Variants in MMP26 observed in about 807,000 individuals in gnomAD.
The protein encoded by MMP26 is matrix metallopeptidase 26.
In MMP26, 33 loss-of-function variants were observed where a neutral mutation model predicts 31.0. The observed-to-expected ratio is 1.06, with a 90% CI of 0.81 to 1.42. The LOEUF (loss-of-function observed/expected upper bound fraction) is 1.42. Among genes scored for constraint, MMP26 ranks in the 40% most tolerant of loss-of-function variants. MMP26 has a pLI of 0.00. For synonymous variants in MMP26, 122 were observed against 114.9 expected, an observed-to-expected ratio of 1.06 and a Z score of -0.40; for missense variants, 347 against 316.1, an observed-to-expected ratio of 1.10 and a Z score of -0.74.
At chr11:4,838,683 A>G (rs1158043659) in intron 2 of MMP26, among the ~76,000 whole-genome samples, 1 of 151,892 alleles carries the variant, frequency 6.6e-6, no homozygotes, top group Non-Finnish European at 1.5e-5. Context: ...AGGAATTTCT[A>G]TTATAAGAAA....
chr11:4,877,299 T>G (rs1277158966), intron 2 of MMP26: 2 of 152,262 alleles, frequency 1.3e-5, no homozygotes, highest in Admixed American at 1.3e-4. Flanking sequence ...CTCTCATATC[T>G]GCAGTGCTGC....
At chr11:4,759,111 CAAAAAAAAAAAAAAA>C (rs989730402) in intron 1 of MMP26, among the ~76,000 whole-genome samples, 1 of 43,206 alleles carries the variant, frequency 2.3e-5, no homozygotes. Context: ...CATTCCATCT[CAAAAAAAAAAAAAAA>C]AAAAAAAAAG....
intron 1 of MMP26, chr11:4,723,903 C>G: frequency 9.5e-7 from 1 of 1,054,998 alleles, no homozygotes; most frequent in Non-Finnish European, 1.5e-6. Flanking sequence ...GCTCCTTCTC[C>G]TGGGTGCGCA....
At chr11:4,961,233 G>A (rs901639873) in intron 2 of MMP26, among the ~76,000 whole-genome samples, 2 of 152,188 alleles carry the variant, frequency 1.3e-5, no homozygotes, top group Middle Eastern at 3.2e-3. Context: ...TCAATTTTGT[G>A]ATAATGCATT....
chr11:4,790,271 G>GTGGAGGC (rs57794049), intron 2 of MMP26, among the ~76,000 whole-genome samples: 14,350 of 152,184 alleles, frequency 0.094, 839 homozygotes, highest in Middle Eastern at 0.15. Flanking sequence ...AACCTGGGAG[G>GTGGAGGC]TGCGGAGGCT....
intron 2 of MMP26, among the ~76,000 whole-genome samples, chr11:4,983,904 A>C (rs1333820969): frequency 2.0e-5 from 3 of 152,342 alleles, no homozygotes; most frequent in South Asian, 2.1e-4. Context: ...TAATATCCAC[A>C]GGCGATTCTA....
intron 2 of MMP26, among the ~76,000 whole-genome samples, chr11:4,812,769 A>G (rs778647475): frequency 6.6e-6 from 1 of 152,136 alleles, no homozygotes; most frequent in Non-Finnish European, 1.5e-5. Flanking sequence ...ACCTGTGAAG[A>G]CAGGCTGTTA....
At chr11:4,898,397 T>C (rs1377345837) in intron 2 of MMP26, among the ~76,000 whole-genome samples, 1 of 152,082 alleles carries the variant, frequency 6.6e-6, no homozygotes, top group Non-Finnish European at 1.5e-5. Flanking sequence ...TGTTAATTTC[T>C]TTGTGTTTAT....
intron 2 of MMP26, among the ~76,000 whole-genome samples, chr11:4,795,830 A>AAGAGAGAGAGAGGGAGAGAGAGAG (rs1210485972): frequency 1.4e-5 from 2 of 143,566 alleles, no homozygotes; most frequent in African/African-American, 5.2e-5. Context: ...GGGAGAGAGA[A>AAGAGAGAGAGAGGGAGAGAGAGAG]AGAGAGAGAG....
intron 1 of MMP26, among the ~76,000 whole-genome samples, chr11:4,724,517 C>A (rs1848069656): frequency 6.6e-6 from 1 of 152,146 alleles, no homozygotes; most frequent in African/African-American, 2.4e-5. Flanking sequence ...ATAAAAGAAT[C>A]AATTTACTAT....
intron 2 of MMP26, among the ~76,000 whole-genome samples, chr11:4,934,589 A>T (rs2133594095): frequency 6.9e-6 from 1 of 145,644 alleles, no homozygotes; most frequent in East Asian, 2.0e-4. Context: ...ATTAGATCCC[A>T]TTTGTCAATT....
intron 2 of MMP26, among the ~76,000 whole-genome samples, chr11:4,800,091 C>A (rs1043387555): frequency 6.6e-6 from 1 of 152,170 alleles, no homozygotes; most frequent in Non-Finnish European, 1.5e-5. Flanking sequence ...GCAGTGGCCC[C>A]CCTTCCACAG....
intron 2 of MMP26, among the ~76,000 whole-genome samples, chr11:4,776,373 C>T (rs60113282): frequency 0.095 from 14,414 of 151,876 alleles, 847 homozygotes; most frequent in Middle Eastern, 0.15. Context: ...ACCTTCATAC[C>T]GTTTTCCATA....
At chr11:4,778,370 C>T (rs1490141607) in intron 2 of MMP26, among the ~76,000 whole-genome samples, 1 of 151,934 alleles carries the variant, frequency 6.6e-6, no homozygotes, top group African/African-American at 2.4e-5. Context: ...TCCAATAGAT[C>T]TGGTATTCGT....
chr11:4,734,205 A>G (rs1362979729), intron 1 of MMP26, among the ~76,000 whole-genome samples: 2 of 152,148 alleles, frequency 1.3e-5, no homozygotes, highest in African/African-American at 2.4e-5. Context: ...TTACTCTTCT[A>G]TTTTTGAAAG....
intron 2 of MMP26, among the ~76,000 whole-genome samples, chr11:4,930,999 A>G (rs757976314): frequency 1.3e-5 from 2 of 152,104 alleles, no homozygotes; most frequent in African/African-American, 2.4e-5. Context: ...GATAATTTAT[A>G]AAGCTAAAGC....
In MMP26 at chr11:4,772,437, A is replaced by G. The variant is rs548102567; in HGVS notation, c.-145+5096A>G. 8.6e-5 allele frequency among the ~76,000 whole-genome samples: 13 copies of G among 150,914 alleles called. No homozygotes were observed. The East Asian group carries it at 2.1e-3, about 25-fold the overall frequency. On this transcript the variant is annotated intron_variant, in intron 2 of 7. Coordinates refer to ENST00000380390, the MANE Select transcript of MMP26 (RefSeq NM_021801.5). ...ACCCAGTCTCTAGGCTCCTATGCCT[A>G]CATTTCCACATTGAACCATAGGGAG... is the stretch of plus-strand genomic sequence containing the variant.
intron 2 of MMP26, among the ~76,000 whole-genome samples, chr11:4,980,809 T>C (rs1364767921): frequency 2.6e-5 from 4 of 152,110 alleles, no homozygotes; most frequent in Admixed American, 1.3e-4. Context: ...TATCCTCATT[T>C]TCCTAAGTGA....
chr11:4,921,190 G>A (rs7108641), intron 2 of MMP26, among the ~76,000 whole-genome samples: 15,431 of 152,164 alleles, frequency 0.1, 878 homozygotes, highest in Non-Finnish European at 0.12. Flanking sequence ...TATCTTATTT[G>A]AACTCTGTAA....
Sources: gnomAD v4.1 joint callset for allele counts (sites outside exome capture counted in the v4.1 genomes callset) on GRCh38, gnomAD v4.1.1 for gene constraint, MANE v1.5 for transcripts, NCBI Gene and HGNC (gene_info 2026-07-23, HGNC 2026-07-21) for gene names.